WFS1: variants seen among roughly 807,000 people sequenced by gnomAD.
WFS1 encodes wolframin.
In WFS1, 90 loss-of-function variants were observed where a neutral mutation model predicts 68.5. The ratio of observed to expected loss-of-function variants is 1.31; its 90% CI spans 1.11 to 1.56. WFS1 has a LOEUF of 1.56. Among genes scored for constraint, WFS1 ranks in the 40% most tolerant of loss-of-function variants. WFS1 has a pLI of 0.00. For missense variants in WFS1, 1,767 were observed against 1,232.6 expected (o/e 1.43, Z -6.49); for synonymous variants, 860 against 540.7 (o/e 1.59, Z -8.19).
Position 6,302,353 on chromosome 4 carries a change from A to T in WFS1, c.2558A>T (p.Gln853Leu). 6.2e-7 allele frequency: 1 copy of T among 1,613,012 alleles called. No individual in the cohort carries two copies. The highest frequency in any genetic ancestry group is 2.2e-5 in the East Asian group (1 of 44,888). ...ATCAGCTGCCTCAACTGCATGGCCC[A>T]GCTCTCACCCACCAGGCGGCACGTG... Reference protein sequence around the residue: ...KAISCLNCMAQLSPTRRHVKI... With the variant: ...KAISCLNCMALLSPTRRHVKI... Residue 853 changes from glutamine (Q) to leucine (L), a missense_variant, in exon 8 of 8, where the codon CAG becomes CTG. Physicochemically the swap from Gln to Leu is moderately radical, Grantham distance 113. Transcript: ENST00000226760.
chr4:6,295,920 C>T (rs527427558), intron 7 of WFS1, among the ~76,000 whole-genome samples: 45 of 152,334 alleles, frequency 3.0e-4, no homozygotes, highest in Admixed American at 2.7e-3. Context: ...CTGCAGAGAA[C>T]ACCAGGATTT....
At position 6,291,983 on chromosome 4, in the gene WFS1, T is replaced by C; in HGVS notation, c.698T>C (p.Leu233Pro). 1 of 1,608,500 alleles carries C rather than the reference T, an allele frequency of 6.2e-7. No individual in the cohort carries two copies. The highest frequency in any genetic ancestry group is 1.3e-5 in the African/African-American group (1 of 74,980). The change falls in exon 6 of 8, where the codon CTG (leucine) becomes CCG (proline). Residue 233 changes from leucine (L) to proline (P), a missense_variant. Physicochemically the swap from Leu to Pro is moderately conservative, Grantham distance 98. Coordinates refer to ENST00000226760, the MANE Select transcript of WFS1 (RefSeq NM_006005.3). ...AAGCAGAGGCGCATGCTGGAGCGCC[T>C]GGTCAGCAGCGAGTGTGAGTGCAGC... Reference protein sequence around the residue: ...LQKQRRMLERLVSSESKNYIA... With the variant: ...LQKQRRMLERPVSSESKNYIA...
rs71539660 is a variant in WFS1, at chr4:6,277,551, G to A, written c.96G>A (p.Ser32=). 1.8e-4 allele frequency: 294 copies of A among 1,590,242 alleles called. 1 individual carries two copies. In the African/African-American group the frequency reaches 3.4e-3, roughly 18 times the overall value. The change falls in exon 2 of 8, where the codon TCG becomes TCA. Residue 32 remains serine, a synonymous_variant. Coordinates refer to ENST00000226760, the MANE Select transcript of WFS1 (RefSeq NM_006005.3). The stretch of plus-strand genomic sequence containing the variant: ...GTTCCCGACTCAATGCCACAGCCTC[G>A]TTGGAGCAGGAGAGGAGCGAAAGGC... ...QARSRLNATA[S]LEQERSERPR...
At chr4:6,271,752 G>T (rs1729850277) in intron 1 of WFS1, among the ~76,000 whole-genome samples, 1 of 152,092 alleles carries the variant, frequency 6.6e-6, no homozygotes, top group South Asian at 2.1e-4. Flanking sequence ...CTCCTCCCTG[G>T]TCCCGATCCG....
At position 6,301,284 on chromosome 4, in the gene WFS1, G is replaced by C. The variant is rs141254874; in HGVS notation, c.1489G>C (p.Val497Leu). Reference sequence around the variant, plus strand: ...CATCACCGTGCCTGTCGGCCACCTGGTCGTCCTCAACGTCAGCGTCCCGTG... The same window carrying C: ...CATCACCGTGCCTGTCGGCCACCTGCTCGTCCTCAACGTCAGCGTCCCGTG... ...TFITVPVGHL[V>L]VLNVSVPCLL... Residue 497 changes from valine to leucine, a missense_variant, in exon 8 of 8, where the codon GTC (valine) becomes CTC (leucine). Val to Leu is a conservative substitution (Grantham distance 32). Coordinates refer to ENST00000226760, the MANE Select transcript of WFS1 (RefSeq NM_006005.3). 6 of 1,611,450 alleles carry C rather than the reference G, an allele frequency of 3.7e-6. No individual in the cohort carries two copies. Among genetic ancestry groups the C allele is most frequent in the Non-Finnish European group, 5.1e-6 (6 of 1,180,014 alleles).
Position 6,302,143 on chromosome 4 carries a change from T to G in WFS1, c.2348T>G (p.Phe783Cys). Reference sequence around the variant, plus strand: ...TTTGAGATTACCGTGGGCATGCCATTCAGCAGCGGCGCTGACGGCTCGCGC... The same window carrying G: ...TTTGAGATTACCGTGGGCATGCCATGCAGCAGCGGCGCTGACGGCTCGCGC... ...YKFEITVGMP[F>C]SSGADGSRSR... Residue 783 changes from phenylalanine to cysteine, a missense_variant, in exon 8 of 8, where the codon TTC becomes TGC. Physicochemically the swap from Phe to Cys is radical, Grantham distance 205. Coordinates refer to ENST00000226760, the MANE Select transcript of WFS1 (RefSeq NM_006005.3). The G allele has an allele frequency of 6.2e-7, 1 of 1,612,986 alleles. No homozygotes were observed. Among genetic ancestry groups the G allele is most frequent in the East Asian group, 2.2e-5 (1 of 44,878 alleles).
In WFS1 at chr4:6,291,378, T is replaced by C. The variant is rs750914687; in HGVS notation, c.631+11T>C. 2 of 1,611,260 alleles carry C rather than the reference T, an allele frequency of 1.2e-6. No individual in the cohort carries two copies. Among genetic ancestry groups the C allele is most frequent in the African/African-American group, 2.7e-5 (2 of 74,914 alleles). On this transcript the variant is annotated intron_variant, in intron 5 of 7. Coordinates refer to ENST00000226760, the MANE Select transcript of WFS1 (RefSeq NM_006005.3). Reference sequence around the variant, plus strand: ...AGGTCAACGAGCACGGTGCGAGGATTCACCCTGGGCACCAGCCTTCCCTGG... The same window carrying C: ...AGGTCAACGAGCACGGTGCGAGGATCCACCCTGGGCACCAGCCTTCCCTGG...
rs757447240 is a variant in WFS1, at chr4:6,302,030, C to T, written c.2235C>T (p.Gly745=). 5.0e-6 allele frequency: 8 copies of T among 1,612,796 alleles called. No individual in the cohort carries two copies. The South Asian group carries it at 8.8e-5, about 18-fold the overall frequency. The part of the protein sequence containing the change: ...YGEAYPACSP[G]NTSTAEEELC... ...AGGCCTACCCTGCCTGCAGCCCTGG[C>T]AACACCTCCACGGCCGAGGAGGAGC... is the stretch of plus-strand genomic sequence containing the variant. The change falls in exon 8 of 8, where the codon GGC becomes GGT. Residue 745 remains glycine, a synonymous_variant. Transcript: ENST00000226760.
At chr4:6,293,349 C>T (rs948236735) in intron 6 of WFS1, among the ~76,000 whole-genome samples, 1 of 152,134 alleles carries the variant, frequency 6.6e-6, no homozygotes, top group African/African-American at 2.4e-5. Flanking sequence ...GGCCCCAGCA[C>T]CCCCATTGTT....
intron 2 of WFS1, among the ~76,000 whole-genome samples, chr4:6,279,461 G>A (rs565197458): frequency 3.3e-5 from 5 of 152,150 alleles, no homozygotes; most frequent in Non-Finnish European, 5.9e-5. Context: ...AGGGTGGAGG[G>A]GAGATTTAAA....
At chr4:6,285,501 C>T (rs1017804267) in intron 2 of WFS1, among the ~76,000 whole-genome samples, 7 of 152,168 alleles carry the variant, frequency 4.6e-5, no homozygotes, top group African/African-American at 1.4e-4. Flanking sequence ...TGTGAAGAAT[C>T]CATCTGATTC....
Position 6,287,149 on chromosome 4 carries a change from G to A in WFS1, c.289G>A (p.Ala97Thr), listed in dbSNP as rs1047188798. The part of the protein sequence containing the change: ...PFEEVLERAK[A>T]GDPKAQTEVG... Reference sequence around the variant, plus strand: ...TGAAGAAGTCCTGGAGAGGGCCAAGGCCGGGGACCCCAAGGCACAGACTGA... The same window carrying A: ...TGAAGAAGTCCTGGAGAGGGCCAAGACCGGGGACCCCAAGGCACAGACTGA... Residue 97 changes from alanine (A) to threonine (T), a missense_variant, in exon 3 of 8, where the codon GCC becomes ACC. Coordinates refer to ENST00000226760, the MANE Select transcript of WFS1 (RefSeq NM_006005.3). This position sits in a 1 kb window ranked among gnomAD's most constrained non-coding sequence, Gnocchi z 6.4. 6.4e-7 allele frequency: 1 copy of A among 1,561,196 alleles called. No homozygotes were observed. The highest frequency in any genetic ancestry group is 2.3e-5 in the East Asian group (1 of 42,930).
intron 1 of WFS1, among the ~76,000 whole-genome samples, chr4:6,270,854 C>G (rs1012830660): frequency 4.6e-5 from 7 of 152,144 alleles, no homozygotes; most frequent in Non-Finnish European, 1.0e-4. Flanking sequence ...TTATAGTCCC[C>G]GTTTGACACC....
intron 3 of WFS1, 126 bp from the exon 4 acceptor site, chr4:6,288,861 C>T: frequency 7.1e-7 from 1 of 1,410,382 alleles, no homozygotes; most frequent in Non-Finnish European, 9.8e-7. Flanking sequence ...GGTGTGACCC[C>T]ATTTCTGCCC....
At chr4:6,288,662 G>T in intron 3 of WFS1, 1 of 418,990 alleles carries the variant, frequency 2.4e-6, no homozygotes, top group South Asian at 2.1e-5. Flanking sequence ...CCCAGTCATG[G>T]TTCTGATTTC....
rs1419247934 is a variant in WFS1, at chr4:6,277,518, C to T, written c.63C>T (p.Pro21=). 1 of 1,583,788 alleles carries T rather than the reference C, an allele frequency of 6.3e-7. No individual in the cohort carries two copies. Among genetic ancestry groups the T allele is most frequent in the Non-Finnish European group, 8.6e-7 (1 of 1,165,836 alleles). Residue 21 remains proline (P), a synonymous_variant, in exon 2 of 8, where the codon CCC becomes CCT. Coordinates refer to ENST00000226760, the MANE Select transcript of WFS1 (RefSeq NM_006005.3). ...SCPQPPPAPQ[P]QARSRLNATA... is the part of the protein sequence containing the mutation. ...CACAGCCCCCGCCAGCACCGCAGCC[C>T]CAGGCGCGTTCCCGACTCAATGCCA... is the stretch of plus-strand genomic sequence containing the variant.
intron 7 of WFS1, among the ~76,000 whole-genome samples, chr4:6,299,417 T>G (rs982965318): frequency 1.4e-4 from 21 of 151,016 alleles, no homozygotes; most frequent in African/African-American, 4.6e-4. Flanking sequence ...GGTGCGCTGG[T>G]GTGTATGTGT....
intron 6 of WFS1, 45 bp from the exon 7 acceptor site, chr4:6,294,996 G>A (rs199787795): frequency 8.1e-6 from 13 of 1,612,516 alleles, no homozygotes; most frequent in Admixed American, 1.7e-5. Flanking sequence ...GGTGGCAGTG[G>A]GGCTGCAGTG....
intron 1 of WFS1, among the ~76,000 whole-genome samples, chr4:6,276,301 C>T (rs1031836772): frequency 3.3e-5 from 5 of 152,140 alleles, no homozygotes; most frequent in Non-Finnish European, 4.4e-5. Context: ...TGTCTGTGGC[C>T]GGTGGTTGTC....
Sources: allele counts gnomAD v4.1 joint callset (sites outside exome capture counted in the v4.1 genomes callset), GRCh38; gene constraint gnomAD v4.1.1; non-coding constraint Gnocchi (gnomAD v3.1); transcripts MANE v1.5; gene names NCBI Gene and HGNC (gene_info 2026-07-23, HGNC 2026-07-21).